The following DOCK4 variants were observed in gnomAD, a reference collection of about 807,000 sequenced individuals.
The protein encoded by DOCK4 is dedicator of cytokinesis protein 4.
In DOCK4, 97 loss-of-function variants were observed where a neutral mutation model predicts 268.1. That is an observed-to-expected ratio of 0.36 (90% CI 0.31 to 0.43). The LOEUF (loss-of-function observed/expected upper bound fraction) is 0.43, where lower values mean the gene tolerates loss of function less well. Ranked by LOEUF, DOCK4 falls within the 20% of genes least tolerant of loss-of-function variation. The probability of loss-of-function intolerance (pLI) is 1.00; values close to 1 mark genes in which losing one functional copy is unlikely to be tolerated. For missense variants in DOCK4, 2,145 were observed against 2,455.7 expected (o/e 0.87, Z 2.67); for synonymous variants, 954 against 887.2 (o/e 1.08, Z -1.34).
chr7:111,821,810 T>C (rs1324041350), intron 27 of DOCK4: 2 of 152,388 alleles, frequency 1.3e-5, no homozygotes, highest in South Asian at 2.1e-4. Context: ...ATTCCCAGTG[T>C]TGAGCAGATG....
intron 12 of DOCK4, among the ~76,000 whole-genome samples, chr7:111,917,692 C>T (rs1412989936): frequency 2.0e-5 from 3 of 147,766 alleles, no homozygotes; most frequent in Admixed American, 6.8e-5. Context: ...GGTGACAGAG[C>T]GAGACCCCAT....
chr7:112,056,591 T>C (rs1199621596), intron 1 of DOCK4, among the ~76,000 whole-genome samples: 3 of 152,172 alleles, frequency 2.0e-5, no homozygotes, highest in Admixed American at 2.0e-4. Flanking sequence ...ACTTTCAGCA[T>C]ATTGTGAAAG....
chr7:111,871,528 A>C (rs1399422350), intron 20 of DOCK4, among the ~76,000 whole-genome samples: 2 of 152,352 alleles, frequency 1.3e-5, no homozygotes, highest in Non-Finnish European at 2.9e-5. Context: ...CATAAAGTAC[A>C]GTGCCTGGCA....
intron 21 of DOCK4, 64 bp downstream of exon 21, chr7:111,869,510 T>C: frequency 2.8e-6 from 4 of 1,415,692 alleles, no homozygotes; most frequent in East Asian, 2.3e-5. Context: ...AGGAACCAAT[T>C]AGTTTAAGCA....
intron 1 of DOCK4, among the ~76,000 whole-genome samples, chr7:112,131,659 A>C (rs1813812229): frequency 6.6e-6 from 1 of 152,178 alleles, no homozygotes; most frequent in Non-Finnish European, 1.5e-5. Context: ...TTTTTGTTAC[A>C]ACATATTTAT....
intron 7 of DOCK4, among the ~76,000 whole-genome samples, chr7:111,979,647 C>T (rs1263524421): frequency 6.6e-6 from 1 of 152,100 alleles, no homozygotes; most frequent in Non-Finnish European, 1.5e-5. Context: ...TAACAGAGCA[C>T]AAGCTACTAT....
At chr7:111,803,991 G>A (rs1380757747) in intron 30 of DOCK4, among the ~76,000 whole-genome samples, 1 of 152,182 alleles carries the variant, frequency 6.6e-6, no homozygotes, top group Non-Finnish European at 1.5e-5. Flanking sequence ...TGTGTGTTCT[G>A]TTGGTGAGAA....
At chr7:111,983,797 C>G (rs7805058) in intron 7 of DOCK4, among the ~76,000 whole-genome samples, 4,575 of 149,454 alleles carry the variant, frequency 0.031, 222 homozygotes, top group African/African-American at 0.11. Context: ...AGGAGGAGAC[C>G]GTTTCAGTAG....
chr7:111,783,442 C>T (rs980961959), intron 34 of DOCK4, among the ~76,000 whole-genome samples: 2 of 152,056 alleles, frequency 1.3e-5, no homozygotes, highest in Admixed American at 1.3e-4. Flanking sequence ...ATCTCACCCA[C>T]GTCCCCTTTT....
intron 23 of DOCK4, among the ~76,000 whole-genome samples, chr7:111,850,980 C>T (rs187098306): frequency 6.2e-4 from 94 of 152,188 alleles, no homozygotes; most frequent in African/African-American, 2.2e-3. Context: ...TAACAGATGC[C>T]GAGGTAATTC....
intron 1 of DOCK4, among the ~76,000 whole-genome samples, chr7:112,179,572 G>T (rs1397763920): frequency 4.6e-5 from 7 of 151,104 alleles, no homozygotes. Flanking sequence ...ACCCAGAAGT[G>T]AATTAAACAT....
chr7:112,018,648 A>G (rs1433410450), intron 1 of DOCK4, among the ~76,000 whole-genome samples: 1 of 152,138 alleles, frequency 6.6e-6, no homozygotes, highest in Non-Finnish European at 1.5e-5. Context: ...CAAAAGCTAC[A>G]TTATTTAAAA....
At chr7:112,016,951 G>T (rs566703477) in intron 1 of DOCK4, among the ~76,000 whole-genome samples, 2 of 152,068 alleles carry the variant, frequency 1.3e-5, no homozygotes, top group Non-Finnish European at 2.9e-5. Context: ...GCTTTTGAGC[G>T]ATTTCAGCCA....
At chr7:111,986,183 T>C (rs1799039108) in intron 6 of DOCK4, among the ~76,000 whole-genome samples, 1 of 152,136 alleles carries the variant, frequency 6.6e-6, no homozygotes, top group Non-Finnish European at 1.5e-5. Flanking sequence ...AACAGGAATA[T>C]TAGACATTGG....
intron 1 of DOCK4, among the ~76,000 whole-genome samples, chr7:112,133,944 G>C (rs1814064168): frequency 6.6e-6 from 1 of 152,064 alleles, no homozygotes; most frequent in Admixed American, 6.5e-5. Context: ...GGAATGGAGT[G>C]GGATGGAATG....
At chr7:112,024,894 G>C (rs1483630578) in intron 1 of DOCK4, among the ~76,000 whole-genome samples, 1 of 152,140 alleles carries the variant, frequency 6.6e-6, no homozygotes. Context: ...AAATCTTTCT[G>C]AACTAAATGT....
At chr7:111,937,904 T>C (rs937944426) in intron 11 of DOCK4, among the ~76,000 whole-genome samples, 14 of 152,222 alleles carry the variant, frequency 9.2e-5, no homozygotes, top group African/African-American at 3.4e-4. Flanking sequence ...CATGGGTTTG[T>C]TGTGAGGACA....
chr7:111,752,578 G>GTTTTTTTTTT (rs56037303), intron 42 of DOCK4, among the ~76,000 whole-genome samples: 1 of 82,216 alleles, frequency 1.2e-5, no homozygotes, highest in South Asian at 5.1e-4. Context: ...ATCAGCTTAG[G>GTTTTTTTTTT]TTTTTTTTTT....
At chr7:112,053,279 G>T (rs75532617) in intron 1 of DOCK4, among the ~76,000 whole-genome samples, 5,858 of 152,194 alleles carry the variant, frequency 0.038, 368 homozygotes, top group African/African-American at 0.13. Context: ...TCAAGGTAAG[G>T]ACAAGCAAGG....
Sources: allele counts gnomAD v4.1 joint callset (sites outside exome capture counted in the v4.1 genomes callset), GRCh38; gene constraint gnomAD v4.1.1; transcripts MANE v1.5; gene names NCBI Gene and HGNC (gene_info 2026-07-23, HGNC 2026-07-21).